Variants in DYM observed in about 807,000 individuals in gnomAD.
DYM encodes dyggve-Melchior-Clausen syndrome protein.
In DYM, 78 loss-of-function variants were observed where a neutral mutation model predicts 93.1. The ratio of observed to expected loss-of-function variants is 0.84; its 90% CI spans 0.70 to 1.01. The LOEUF (loss-of-function observed/expected upper bound fraction) is 1.01. DYM is among the 50% of genes least tolerant of loss of function. DYM has a pLI of 0.00. For missense variants in DYM, 789 were observed against 845.0 expected, an observed-to-expected ratio of 0.93 and a Z score of 0.82; for synonymous variants, 321 against 319.7, an observed-to-expected ratio of 1.00 and a Z score of -0.04.
intron 13 of DYM, among the ~76,000 whole-genome samples, chr18:49,223,389 T>C (rs1011701491): frequency 1.3e-5 from 2 of 152,112 alleles, no homozygotes; most frequent in African/African-American, 4.8e-5. Flanking sequence ...CAAATGGGCA[T>C]GGCTGTGTTC....
chr18:49,334,434 G>A (rs545740285), intron 6 of DYM, among the ~76,000 whole-genome samples: 2 of 152,270 alleles, frequency 1.3e-5, no homozygotes, highest in African/African-American at 4.8e-5. Context: ...GGGTTACTCT[G>A]TCCTCTCAAG....
At chr18:49,197,204 A>G (rs1319339579) in intron 14 of DYM, among the ~76,000 whole-genome samples, 1 of 152,208 alleles carries the variant, frequency 6.6e-6, no homozygotes, top group Non-Finnish European at 1.5e-5. Context: ...CAGCTGGACT[A>G]TCAATTTGGA....
At chr18:49,057,878 C>G (rs188214331) in intron 17 of DYM, among the ~76,000 whole-genome samples, 38 of 152,342 alleles carry the variant, frequency 2.5e-4, no homozygotes, top group African/African-American at 8.7e-4. Context: ...CTCTTTGACA[C>G]TTAGTTACTT....
At chr18:49,249,651 C>A (rs1400724357) in intron 13 of DYM, among the ~76,000 whole-genome samples, 2 of 151,756 alleles carry the variant, frequency 1.3e-5, no homozygotes, top group African/African-American at 4.8e-5. Flanking sequence ...CAACAACCAA[C>A]TTCTGTTTTG....
intron 15 of DYM, among the ~76,000 whole-genome samples, chr18:49,132,711 A>AAATTCAACAC (rs1325458225): frequency 1.3e-5 from 2 of 152,188 alleles, no homozygotes; most frequent in African/African-American, 4.8e-5. Context: ...TATGAACATT[A>AAATTCAACAC]AATTCAACAT....
At position 49,458,950 on chromosome 18, in the gene DYM, T is replaced by A. The variant is rs367544106; in HGVS notation, c.-54+1448A>T. On this transcript the variant is annotated intron_variant, in intron 1 of 17. Transcript: ENST00000675505. ...GCTTTAAAATAATTGTGAGTGGGGATAGGAATGCATAGGGACATAGATGAA... is the reference window on the plus strand; with the variant it reads ...GCTTTAAAATAATTGTGAGTGGGGAAAGGAATGCATAGGGACATAGATGAA... 4.5e-4 allele frequency among the ~76,000 whole-genome samples: 68 copies of A among 152,356 alleles called. 1 individual carries two copies. In the South Asian group the frequency reaches 0.013, roughly 30 times the overall value.
At chr18:49,197,447 T>G (rs1487183005) in intron 14 of DYM, among the ~76,000 whole-genome samples, 1 of 152,012 alleles carries the variant, frequency 6.6e-6, no homozygotes, top group East Asian at 1.9e-4. Context: ...TGAGGTCAAG[T>G]AAAGAAGGCG....
chr18:49,450,986 G>A (rs890188302), intron 1 of DYM, among the ~76,000 whole-genome samples: 6 of 152,150 alleles, frequency 3.9e-5, no homozygotes, highest in Non-Finnish European at 5.9e-5. Context: ...AGAACGTACA[G>A]GACTCATGAA....
At chr18:49,290,712 A>G (rs2060054146) in intron 8 of DYM, among the ~76,000 whole-genome samples, 1 of 152,088 alleles carries the variant, frequency 6.6e-6, no homozygotes, top group African/African-American at 2.4e-5. Context: ...AAATACACAT[A>G]TCTATGCATG....
chr18:49,277,001 T>C (rs1249337919), intron 10 of DYM, among the ~76,000 whole-genome samples: 4 of 152,224 alleles, frequency 2.6e-5, no homozygotes, highest in South Asian at 2.1e-4. Flanking sequence ...TGGTTGGATA[T>C]GGGGGAATGA....
At chr18:49,428,697 A>G (rs1486208827) in intron 2 of DYM, among the ~76,000 whole-genome samples, 1 of 152,080 alleles carries the variant, frequency 6.6e-6, no homozygotes, top group East Asian at 1.9e-4. Context: ...TAAATAAATA[A>G]GTGGTTGCTA....
rs1230955081 is a variant in DYM, at chr18:49,292,616, A to C, written c.764-6000T>G. 1.3e-4 allele frequency among the ~76,000 whole-genome samples: 13 copies of C among 103,286 alleles called. 1 individual carries two copies. Among genetic ancestry groups the C allele is most frequent in the East Asian group, 1.1e-3 (4 of 3,508 alleles). 67.8% of individuals were successfully genotyped at this position (103,286 alleles called of 152,430 possible). ...GGAAAAAAAAAAAAAAAAAAAAAAA[A>C]AAAAAAAAACCCCCACAAAAACCTG... On this transcript the variant is annotated intron_variant, in intron 8 of 17. Transcript: ENST00000675505.
chr18:49,441,291 TAATATAATTATATATAATTAA>T (rs2081561639), intron 1 of DYM, among the ~76,000 whole-genome samples: 1 of 45,002 alleles, frequency 2.2e-5, no homozygotes, highest in Non-Finnish European at 3.6e-5. Flanking sequence ...TAATTATATA[TAATATAATTATATATAATTAA>T]TATATAATTA....
chr18:49,337,205 T>A (rs1297461259), intron 6 of DYM, among the ~76,000 whole-genome samples: 3 of 152,202 alleles, frequency 2.0e-5, no homozygotes, highest in African/African-American at 7.2e-5. Context: ...AATGGAATAC[T>A]CATTGCAACA....
chr18:49,053,246 C>T (rs1210263512), intron 17 of DYM, among the ~76,000 whole-genome samples: 2 of 152,130 alleles, frequency 1.3e-5, no homozygotes, highest in Non-Finnish European at 2.9e-5. Flanking sequence ...AGCCTGAAAG[C>T]CATCTCTGCT....
chr18:49,266,885 A>T (rs1451659112), intron 11 of DYM, among the ~76,000 whole-genome samples: 1 of 152,176 alleles, frequency 6.6e-6, no homozygotes. Flanking sequence ...CCATTTTCAT[A>T]TATTTTGCTT....
intron 8 of DYM, among the ~76,000 whole-genome samples, chr18:49,299,421 T>C (rs1189392011): frequency 6.6e-6 from 1 of 152,240 alleles, no homozygotes; most frequent in Non-Finnish European, 1.5e-5. Flanking sequence ...CAGACAAGTC[T>C]TTAAGCATCT....
In DYM at chr18:49,190,723, T is replaced by A. The variant is rs746022107; in HGVS notation, c.1625+18828A>T. On this transcript the variant is annotated intron_variant, in intron 14 of 17. Transcript: ENST00000675505. ...ACAACACAGGGTTGAACTGTGCAGA[T>A]CCACTTATACATGCATTTTCTTCCA... Among the ~76,000 whole-genome samples the A allele has an allele frequency of 5.7e-4, 87 of 152,140 alleles. 2 individuals carry two copies. Among genetic ancestry groups the A allele is most frequent in the Non-Finnish European group, 2.8e-4 (19 of 68,018 alleles).
intron 6 of DYM, among the ~76,000 whole-genome samples, chr18:49,352,650 A>G (rs1307827864): frequency 6.6e-6 from 1 of 152,228 alleles, no homozygotes; most frequent in Non-Finnish European, 1.5e-5. Flanking sequence ...GAACTGAACA[A>G]TAGAAAAGAT....
Sources: allele counts gnomAD v4.1 joint callset (sites outside exome capture counted in the v4.1 genomes callset), GRCh38; gene constraint gnomAD v4.1.1; transcripts MANE v1.5; gene names NCBI Gene and HGNC (gene_info 2026-07-23, HGNC 2026-07-21).